Variants in PIAS1 observed in about 807,000 individuals in gnomAD.
PIAS1 encodes protein inhibitor of activated STAT 1, also known as E3 SUMO-protein ligase PIAS1.
In PIAS1, 6 loss-of-function variants were observed where a neutral mutation model predicts 71.3. The observed-to-expected ratio is 0.08, with a 90% CI of 0.05 to 0.17. The LOEUF is 0.17. PIAS1 is among the 10% of genes least tolerant of loss of function. PIAS1 has a pLI of 1.00. For synonymous variants in PIAS1, 303 were observed against 292.9 expected (o/e 1.03, Z -0.35); for missense variants, 555 against 793.6 (o/e 0.70, Z 3.61).
At chr15:68,172,348 A>G (rs945633815) in intron 8 of PIAS1, among the ~76,000 whole-genome samples, 4 of 152,182 alleles carry the variant, frequency 2.6e-5, no homozygotes, top group African/African-American at 4.8e-5. Flanking sequence ...AGTCTTTGCT[A>G]TTGTGAATAG....
chr15:68,077,486 A>G (rs1208693268), intron 1 of PIAS1, among the ~76,000 whole-genome samples: 1 of 152,210 alleles, frequency 6.6e-6, no homozygotes, highest in Non-Finnish European at 1.5e-5. Flanking sequence ...TTTTAGAGCC[A>G]TTGGGCGGAC....
intron 6 of PIAS1, among the ~76,000 whole-genome samples, chr15:68,152,765 A>G (rs546752541): frequency 5.7e-4 from 86 of 152,114 alleles, no homozygotes; most frequent in African/African-American, 2.1e-3. Context: ...CCAAATAGAA[A>G]CTGATCCTTC....
chr15:68,186,314 AT>A lies in PIAS1; in HGVS notation c.1663-1223del. ...CCTAGGCTAATGTGTTGTGTGTGTCATTTTTAACAAAAAAGTTAAAAAGTAA... is the reference window on the plus strand; with the variant it reads ...CCTAGGCTAATGTGTTGTGTGTGTCATTTTAACAAAAAAGTTAAAAAGTAA... On this transcript the variant is annotated intron_variant, in intron 13 of 13. Coordinates refer to ENST00000249636, the MANE Select transcript of PIAS1 (RefSeq NM_016166.3). The surrounding 1 kb of genome is among the most constrained non-coding windows in gnomAD (Gnocchi z 4.4). Among the ~76,000 whole-genome samples, 2 of 152,334 alleles carry A rather than the reference AT, an allele frequency of 1.3e-5. No individual in the cohort carries two copies. Among genetic ancestry groups the A allele is most frequent in the East Asian group, 3.9e-4 (2 of 5,194 alleles).
Position 68,182,231 on chromosome 15 carries a change from AATC to A in PIAS1, c.1624+880_1624+882del, listed in dbSNP as rs1388831422. On this transcript the variant is annotated intron_variant, in intron 12 of 13. Transcript: ENST00000249636. ...CATTTATATATTTTGAGTTCATAAT[AATC>A]ATTTATATTATCAAAAAGAATTGTT... Among the ~76,000 whole-genome samples, 12 of 152,296 alleles carry A rather than the reference AATC, an allele frequency of 7.9e-5. No individual in the cohort carries two copies. In the South Asian group the frequency reaches 2.1e-3, roughly 26 times the overall value.
intron 7 of PIAS1, among the ~76,000 whole-genome samples, chr15:68,163,825 A>ATC (rs2092939970): frequency 6.6e-6 from 1 of 152,158 alleles, no homozygotes; most frequent in African/African-American, 2.4e-5. Flanking sequence ...CCTTTGTACA[A>ATC]TATAGACTTT....
chr15:68,111,799 G>A (rs969378326), intron 2 of PIAS1, among the ~76,000 whole-genome samples: 1 of 152,016 alleles, frequency 6.6e-6, no homozygotes, highest in Non-Finnish European at 1.5e-5. Context: ...TAAACTAAGG[G>A]GGAATATTTG....
At chr15:68,088,626 C>G (rs991515082) in intron 2 of PIAS1, among the ~76,000 whole-genome samples, 4 of 151,970 alleles carry the variant, frequency 2.6e-5, no homozygotes, top group African/African-American at 9.7e-5. Flanking sequence ...GATCTCACCA[C>G]AAAGTAATTT....
At chr15:68,130,881 T>C (rs1276859157) in intron 2 of PIAS1, among the ~76,000 whole-genome samples, 1 of 152,202 alleles carries the variant, frequency 6.6e-6, no homozygotes, top group Non-Finnish European at 1.5e-5. Flanking sequence ...ATTCATCAGA[T>C]GTAATAATAG....
Position 68,086,872 on chromosome 15 carries a change from A to G in PIAS1, c.469+122A>G. 1 of 594,540 alleles carries G rather than the reference A, an allele frequency of 1.7e-6. No individual in the cohort carries two copies. The highest frequency in any genetic ancestry group is 2.4e-5 in the South Asian group (1 of 42,510). 36.8% of individuals were successfully genotyped at this position (594,540 alleles called of 1,614,324 possible). A position where few individuals can be genotyped will look rare whatever the true frequency, so the allele number is the denominator to read the frequency against. ...TTCATTTGATAGTAACAGCTGGATA[A>G]TAATGAAGATCTTTCAAATTTAGAT... On this transcript the variant is annotated intron_variant, in intron 2 of 13. Coordinates refer to ENST00000249636, the MANE Select transcript of PIAS1 (RefSeq NM_016166.3). This position sits in a 1 kb window ranked among gnomAD's most constrained non-coding sequence, Gnocchi z 7.2.
chr15:68,129,719 G>A (rs1040250298), intron 2 of PIAS1, among the ~76,000 whole-genome samples: 13 of 150,706 alleles, frequency 8.6e-5, no homozygotes, highest in Admixed American at 1.3e-4. Flanking sequence ...GATAATTTAT[G>A]TATATGTTGA....
At chr15:68,115,955 A>G (rs2092561614) in intron 2 of PIAS1, among the ~76,000 whole-genome samples, 1 of 152,056 alleles carries the variant, frequency 6.6e-6, no homozygotes, top group Non-Finnish European at 1.5e-5. Flanking sequence ...GAGTGTTTGC[A>G]TTTATGTTCA....
chr15:68,159,521 C>G (rs2092911144), intron 7 of PIAS1, among the ~76,000 whole-genome samples: 2 of 152,110 alleles, frequency 1.3e-5, no homozygotes, highest in African/African-American at 4.8e-5. Context: ...GATTTCTGCT[C>G]TGTAGTTTTG....
At chr15:68,056,723 G>A (rs1486332150) in intron 1 of PIAS1, among the ~76,000 whole-genome samples, 2 of 151,884 alleles carry the variant, frequency 1.3e-5, no homozygotes, top group Admixed American at 6.6e-5. Flanking sequence ...GGTGGAGGAG[G>A]TGATCTCAGG....
intron 2 of PIAS1, among the ~76,000 whole-genome samples, chr15:68,139,070 TACTC>T (rs1416122375): frequency 6.6e-6 from 1 of 152,200 alleles, no homozygotes; most frequent in African/African-American, 2.4e-5. Context: ...TTCAATATGT[TACTC>T]ATTTACATTC....
intron 1 of PIAS1, among the ~76,000 whole-genome samples, chr15:68,063,951 G>A (rs1199566450): frequency 6.6e-6 from 1 of 151,594 alleles, no homozygotes. Context: ...CCTTGATGAA[G>A]CAATAAAACT....
intron 5 of PIAS1, among the ~76,000 whole-genome samples, chr15:68,146,147 G>A (rs752805929): frequency 5.3e-5 from 8 of 152,076 alleles, no homozygotes; most frequent in East Asian, 1.9e-4. Flanking sequence ...ATTTTGGGGC[G>A]AAGTTTTTTC....
intron 1 of PIAS1, among the ~76,000 whole-genome samples, chr15:68,073,750 C>T (rs905911249): frequency 3.3e-5 from 5 of 152,014 alleles, no homozygotes; most frequent in Admixed American, 2.6e-4. Flanking sequence ...GAGATGGGGC[C>T]TCTGAGTGCA....
chr15:68,070,430 T>C (rs891676346), intron 1 of PIAS1, among the ~76,000 whole-genome samples: 1 of 152,196 alleles, frequency 6.6e-6, no homozygotes, highest in Non-Finnish European at 1.5e-5. Flanking sequence ...TGGAAATGTC[T>C]AAGATGTGGC....
At chr15:68,118,783 A>G (rs2092587629) in intron 2 of PIAS1, among the ~76,000 whole-genome samples, 1 of 152,202 alleles carries the variant, frequency 6.6e-6, no homozygotes, top group African/African-American at 2.4e-5. Context: ...GTCTTCTTTT[A>G]AGAAATATCT....
Sources: allele counts gnomAD v4.1 joint callset (sites outside exome capture counted in the v4.1 genomes callset), GRCh38; gene constraint gnomAD v4.1.1; non-coding constraint Gnocchi (gnomAD v3.1); transcripts MANE v1.5; gene names NCBI Gene and HGNC (gene_info 2026-07-23, HGNC 2026-07-21).